Variants in SPOCD1 observed in about 807,000 individuals in gnomAD.
The protein encoded by SPOCD1 is SPOC domain-containing protein 1.
In SPOCD1, 64 loss-of-function variants were observed where a neutral mutation model predicts 92.2. The ratio of observed to expected loss-of-function variants is 0.69; its 90% CI spans 0.57 to 0.86. The LOEUF is 0.86. SPOCD1 is among the 40% of genes least tolerant of loss of function. SPOCD1 has a pLI of 0.00. For missense variants in SPOCD1, 1,360 were observed against 1,543.1 expected (o/e 0.88, Z 1.99); for synonymous variants, 578 against 619.3 (o/e 0.93, Z 0.99).
At chr1:31,793,485 G>C in intron 12 of SPOCD1, 57 bp from the exon 13 acceptor site, 1 of 1,544,312 alleles carries the variant, frequency 6.5e-7, no homozygotes, top group Non-Finnish European at 8.8e-7. Flanking sequence ...GACTTCCCCG[G>C]CACCTCCTTT....
chr1:31,799,979 A>C, intron 5 of SPOCD1, 37 bp downstream of exon 5: 2 of 1,611,142 alleles, frequency 1.2e-6, no homozygotes, highest in Non-Finnish European at 1.7e-6. Context: ...CCCATGCTCC[A>C]GTGAAGGAGG....
At position 31,800,086 on chromosome 1, in the gene SPOCD1, T is replaced by C. The variant is rs1648335823; in HGVS notation, c.1658A>G (p.Asp553Gly). 6.2e-7 allele frequency: 1 copy of C among 1,605,768 alleles called. No homozygotes were observed. The highest frequency in any genetic ancestry group is 8.5e-7 in the Non-Finnish European group (1 of 1,177,678). ...GTAGDPGGLSDPFYPPRSGSL... is the reference protein window; with the variant it reads ...GTAGDPGGLSGPFYPPRSGSL... ...ACCGCTTCTTGGAGGGTAGAAGGGG[T>C]CAGAGAGGCCACCAGGGTCCCCTGC... Residue 553 changes from aspartate (D) to glycine (G), a missense_variant, in exon 5 of 16, where the codon GAC becomes GGC. By Grantham distance (94) the Asp-to-Gly change is moderately conservative. This residue lies in a region of SPOCD1 where 606 missense variants were observed against 601.5 expected (regional missense o/e 1.01). Coordinates refer to ENST00000360482, the MANE Select transcript of SPOCD1 (RefSeq NM_144569.7).
At position 31,815,261 on chromosome 1, in the gene SPOCD1, G is replaced by C; in HGVS notation, c.73C>G (p.Leu25Val). ...CTGGCTCCTTCCATGTTCTGTAAAA[G>C]CTCACAGTTGTGTTGGGGACTGAGC... ...PVLSPQHNCELLQNMEGASSM... is the reference protein window; with the variant it reads ...PVLSPQHNCEVLQNMEGASSM... Residue 25 changes from leucine (L) to valine (V), a missense_variant, in exon 2 of 16, where the codon CTT becomes GTT. Physicochemically the swap from Leu to Val is conservative, Grantham distance 32 (BLOSUM62 1). This residue lies in a region of SPOCD1 where 140 missense variants were observed against 183.8 expected (regional missense o/e 0.76). Transcript: ENST00000360482. The C allele has an allele frequency of 6.2e-7, 1 of 1,600,606 alleles. No individual in the cohort carries two copies. The highest frequency in any genetic ancestry group is 8.5e-7 in the Non-Finnish European group (1 of 1,169,610).
Position 31,791,296 on chromosome 1 carries a change from G to T in SPOCD1, c.2963-5C>A. On this transcript the variant is annotated splice_polypyrimidine_tract_variant and splice_region_variant and intron_variant, in intron 15 of 15. Coordinates refer to ENST00000360482, the MANE Select transcript of SPOCD1 (RefSeq NM_144569.7). Reference sequence around the variant, plus strand: ...AGACAGGAAGAGCCCAAAGGCCTGCGGGGAAGAACTGTGTTCAGCTTAGCT... The same window carrying T: ...AGACAGGAAGAGCCCAAAGGCCTGCTGGGAAGAACTGTGTTCAGCTTAGCT... 1 of 1,509,354 alleles carries T rather than the reference G, an allele frequency of 6.6e-7. No individual in the cohort carries two copies. The highest frequency in any genetic ancestry group is 1.3e-5 in the South Asian group (1 of 74,286). 93.5% of individuals were successfully genotyped at this position (1,509,354 alleles called of 1,614,324 possible). A position where few individuals can be genotyped will look rare whatever the true frequency, so the allele number is the denominator to read the frequency against.
At chr1:31,807,932 T>C (rs1197712537) in intron 2 of SPOCD1, among the ~76,000 whole-genome samples, 1 of 152,098 alleles carries the variant, frequency 6.6e-6, no homozygotes, top group African/African-American at 2.4e-5. Context: ...TTACCAAAAT[T>C]GATTCAAGAG....
chr1:31,800,126 G>A lies in SPOCD1; in HGVS notation c.1618C>T (p.Pro540Ser), dbSNP rs748593174. The change falls in exon 5 of 16, where the codon CCT becomes TCT. Residue 540 changes from proline to serine, a missense_variant. Physicochemically the swap from Pro to Ser is moderately conservative, Grantham distance 74. Coordinates refer to ENST00000360482, the MANE Select transcript of SPOCD1 (RefSeq NM_144569.7). The part of the protein sequence containing the change: ...PAGCQVFQPS[P>S]SGGTAGDPGG... ...GGGTCCCCTGCTGTGCCTCCTGAAGGAGAAGGCTGGAAAACCTTGGGGCAG... is the reference window on the plus strand; with the variant it reads ...GGGTCCCCTGCTGTGCCTCCTGAAGAAGAAGGCTGGAAAACCTTGGGGCAG... The A allele has an allele frequency of 2.5e-6, 4 of 1,605,162 alleles. No individual in the cohort carries two copies. The highest frequency in any genetic ancestry group is 4.5e-5 in the East Asian group (2 of 44,704).
At chr1:31,808,755 G>A (rs993366312) in intron 2 of SPOCD1, among the ~76,000 whole-genome samples, 3 of 151,218 alleles carry the variant, frequency 2.0e-5, no homozygotes, top group African/African-American at 7.3e-5. Flanking sequence ...AACAAAAACT[G>A]TCATTTGTCT....
chr1:31,807,493 T>C (rs966390622), intron 2 of SPOCD1, among the ~76,000 whole-genome samples: 6 of 142,952 alleles, frequency 4.2e-5, no homozygotes, highest in Non-Finnish European at 9.1e-5. Context: ...TTAAAAATGA[T>C]AAAATATTGA....
chr1:31,802,736 C>A (rs78230117), intron 2 of SPOCD1, among the ~76,000 whole-genome samples: 6,923 of 152,116 alleles, frequency 0.046, 360 homozygotes, highest in South Asian at 0.31. Flanking sequence ...CTTTTACAAC[C>A]GGAAACATGT....
At chr1:31,806,409 A>C (rs1301924745) in intron 2 of SPOCD1, among the ~76,000 whole-genome samples, 1 of 152,240 alleles carries the variant, frequency 6.6e-6, no homozygotes, top group Non-Finnish European at 1.5e-5. Context: ...TTAGATCAGC[A>C]CTGCCCAACA....
At chr1:31,810,086 C>G (rs542349501) in intron 2 of SPOCD1, among the ~76,000 whole-genome samples, 1 of 152,270 alleles carries the variant, frequency 6.6e-6, no homozygotes, top group African/African-American at 2.4e-5. Flanking sequence ...GCCCTCCCCT[C>G]CCCTCTGGAC....
rs550571575 is a variant in SPOCD1 at position 31,805,086 on chromosome 1, A to G, written c.1384-3381T>C. ...AACCTCCACTTCCCGGGTTCAAGCG[A>G]TTCTCCTGCCTAGGCTTTCTGAGTA... On this transcript the variant is annotated intron_variant, in intron 2 of 15. Transcript: ENST00000360482. Among the ~76,000 whole-genome samples, 17 of 147,584 alleles carry G rather than the reference A, an allele frequency of 1.2e-4. No individual in the cohort carries two copies. In the East Asian group the frequency reaches 3.2e-3, roughly 28 times the overall value.
At chr1:31,808,357 C>T (rs1391481332) in intron 2 of SPOCD1, among the ~76,000 whole-genome samples, 1 of 151,124 alleles carries the variant, frequency 6.6e-6, no homozygotes, top group Non-Finnish European at 1.5e-5. Context: ...AAAACACTAA[C>T]TCCTTAAATT....
intron 15 of SPOCD1, 21 bp downstream of exon 15, chr1:31,792,194 G>A (rs748622667): frequency 6.3e-7 from 1 of 1,583,756 alleles, no homozygotes; most frequent in Non-Finnish European, 8.6e-7. Flanking sequence ...GCAGGGTCTG[G>A]TATGGGGACT....
At position 31,800,563 on chromosome 1, in the gene SPOCD1, CT is replaced by C. The variant is rs751806602; in HGVS notation, c.1479del (p.Gln496SerfsTer9). The C allele has an allele frequency of 6.2e-7, 1 of 1,610,734 alleles. No individual in the cohort carries two copies. The highest frequency in any genetic ancestry group is 8.5e-7 in the Non-Finnish European group (1 of 1,178,830). On this transcript the variant is annotated frameshift_variant, in exon 4 of 16. Transcript: ENST00000360482. LOFTEE classifies it high-confidence loss of function. ...QLLGAISHGQ[A>X]GGQLPPKLEV... ...TCCAGCTTTGGTGGCAGCTGCCCCC[CT>C]GCCTGGCCGTGGCTGATGGCCCCCA... is the stretch of plus-strand genomic sequence containing the variant.
chr1:31,792,787 C>A lies in SPOCD1; in HGVS notation c.2686-20G>T, dbSNP rs764324709. 77 of 1,568,174 alleles carry A rather than the reference C, an allele frequency of 4.9e-5. 1 individual carries two copies. Among genetic ancestry groups the A allele is most frequent in the Admixed American group, 3.6e-5 (2 of 55,474 alleles). ...CAGAGCCTAGGGGCAGGAAGGATGG[C>A]CAGTCAGCTCCCCAGCTTCCCACCC... is the stretch of plus-strand genomic sequence containing the variant. On this transcript the variant is annotated intron_variant, in intron 13 of 15. Transcript: ENST00000360482.
At chr1:31,794,501 C>CTTTTTTTTT (rs869084604) in intron 10 of SPOCD1, 3 of 76,918 alleles carry the variant, frequency 3.9e-5, no homozygotes, top group African/African-American at 1.3e-4. Flanking sequence ...TTTTTCTTTT[C>CTTTTTTTTT]TTTTTTTTTT....
At chr1:31,794,451 T>C in intron 10 of SPOCD1, 1 of 429,778 alleles carries the variant, frequency 2.3e-6, no homozygotes, top group Non-Finnish European at 4.1e-6. Context: ...CAGAGACCAC[T>C]GTTGATATCC....
At chr1:31,810,639 C>G (rs752554644) in intron 2 of SPOCD1, among the ~76,000 whole-genome samples, 1 of 152,176 alleles carries the variant, frequency 6.6e-6, no homozygotes, top group Non-Finnish European at 1.5e-5. Context: ...TGAGCCACCA[C>G]GCCTGGCCGA....
Sources: gnomAD v4.1 joint callset for allele counts (sites outside exome capture counted in the v4.1 genomes callset) on GRCh38, gnomAD v4.1.1 for gene constraint, gnomAD v4.1.1 regional missense constraint, MANE v1.5 for transcripts, NCBI Gene and HGNC (gene_info 2026-07-23, HGNC 2026-07-21) for gene names.